Variants in MNT observed in about 807,000 individuals in gnomAD.
MNT encodes the protein MAX network transcriptional repressor, also known as max-binding protein MNT.
Under a neutral mutation model 40.7 loss-of-function variants are expected in MNT, and 13 were observed. That is an observed-to-expected ratio of 0.32 (90% CI 0.21 to 0.51). The LOEUF (loss-of-function observed/expected upper bound fraction) is 0.51. MNT is among the 20% of genes least tolerant of loss of function. The pLI is 0.98. For synonymous variants in MNT, 426 were observed against 354.8 expected (o/e 1.20, Z -2.26); for missense variants, 757 against 792.0 (o/e 0.96, Z 0.53).
intron 4 of MNT, 76 bp from the exon 5 acceptor site, chr17:2,388,125 C>T (rs1597415076): frequency 1.4e-6 from 2 of 1,403,208 alleles, no homozygotes; most frequent in Non-Finnish European, 1.9e-6. Flanking sequence ...AAACCTCTCC[C>T]TATCAGCTGG....
At chr17:2,392,131 C>G (rs1326334836) in intron 4 of MNT, 1 of 152,222 alleles carries the variant, frequency 6.6e-6, no homozygotes. Flanking sequence ...TATGCCCATA[C>G]GGCCGCCTTC....
rs561453211 is a variant in MNT, at chr17:2,393,844, C to T, written c.807+199G>A. The T allele has an allele frequency of 3.4e-3, 992 of 287,708 alleles. 15 individuals are homozygous for T. Among genetic ancestry groups the T allele is most frequent in the African/African-American group, 0.02 (904 of 44,682 alleles). The allele number at this position is 287,708 out of a possible 1,614,324, so 17.8% of individuals were successfully genotyped here. A position where few individuals can be genotyped will look rare whatever the true frequency, so the allele number is the denominator to read the frequency against. On this transcript the variant is annotated intron_variant, in intron 4 of 5. Coordinates refer to ENST00000174618, the MANE Select transcript of MNT (RefSeq NM_020310.3). ...AGCGGCGCGGGAGGGGAGCCGCGCC[C>T]TCCTCTGCGCACGCGCGCCCTCCCG...
In MNT at chr17:2,387,563, G is replaced by A; in HGVS notation, c.1087C>T (p.Leu363=). ...PKLSHRPQPE[L]LKSTLPPPST... ...GGGGGTGGCAGGGTGGACTTCAGCAGCTCCGGCTGGGGACGATGGCTCAGC... is the reference window on the plus strand; with the variant it reads ...GGGGGTGGCAGGGTGGACTTCAGCAACTCCGGCTGGGGACGATGGCTCAGC... The change falls in exon 6 of 6, where the codon CTG becomes TTG. Residue 363 remains leucine, a synonymous_variant. Transcript: ENST00000174618. The A allele has an allele frequency of 6.2e-7, 1 of 1,614,066 alleles. No homozygotes were observed. The highest frequency in any genetic ancestry group is 8.5e-7 in the Non-Finnish European group (1 of 1,179,982).
At chr17:2,392,913 C>T (rs996213465) in intron 4 of MNT, among the ~76,000 whole-genome samples, 1 of 152,206 alleles carries the variant, frequency 6.6e-6, no homozygotes, top group South Asian at 2.1e-4. Flanking sequence ...GAGCTGCCCC[C>T]CTGGAGCAGT....
In MNT at chr17:2,394,277, G is replaced by GCACGCACGCACACACACACA. The variant is rs539682697; in HGVS notation, c.695+27_695+28insTGTGTGTGTGTGCGTGCGTG. 45 of 1,489,322 alleles carry GCACGCACGCACACACACACA rather than the reference G, an allele frequency of 3.0e-5. No homozygotes were observed. In the Admixed American group the frequency reaches 3.2e-4, roughly 11 times the overall value. 92.3% of individuals were successfully genotyped at this position (1,489,322 alleles called of 1,614,324 possible). ...CCGGGTCGCGCGCGCACGCACGCAC[G>GCACGCACGCACACACACACA]CACACACACACACACACACACACAC... is the stretch of plus-strand genomic sequence containing the variant. On this transcript the variant is annotated intron_variant, in intron 3 of 5. Transcript: ENST00000174618.
rs1555612032 is a variant in MNT, at chr17:2,395,676, G to GGACGGTCACGGGGGCT, written c.74-223_74-222insAGCCCCCGTGACCGTC. ...TGTTCCCCGCCACCAGGGAATAGTA[G>GGACGGTCACGGGGGCT]GACAGTCACGGGGGCTGACAGTCAC... On this transcript the variant is annotated intron_variant, in intron 1 of 5. Transcript: ENST00000174618. Among the ~76,000 whole-genome samples the GGACGGTCACGGGGGCT allele has an allele frequency of 2.7e-4, 41 of 152,104 alleles. 1 individual carries two copies. The South Asian group carries it at 5.4e-3, about 20-fold the overall frequency.
chr17:2,397,533 C>CA (rs2066586203), intron 1 of MNT, among the ~76,000 whole-genome samples: 3 of 152,146 alleles, frequency 2.0e-5, no homozygotes, highest in Admixed American at 2.0e-4. Flanking sequence ...AGCCAACCCC[C>CA]ATTCCCCATA....
Position 2,400,728 on chromosome 17 carries a change from C to G in MNT, c.-16G>C, listed in dbSNP as rs1567871295. 2.0e-6 allele frequency: 3 copies of G among 1,534,986 alleles called. No homozygotes were observed. Among genetic ancestry groups the G allele is most frequent in the African/African-American group, 1.4e-5 (1 of 69,692 alleles). The stretch of plus-strand genomic sequence containing the variant: ...CTATGCTCATCGCGCCGAGAGCTGC[C>G]GGGGGCGCGCCGGGGCCGAGGCTGC... On this transcript the variant is annotated 5_prime_UTR_variant, in exon 1 of 6. Coordinates refer to ENST00000174618, the MANE Select transcript of MNT (RefSeq NM_020310.3).
Position 2,386,972 on chromosome 17 carries a change from G to A in MNT, c.1678C>T (p.Gln560Ter). Residue 560 changes from glutamine (Q) to a stop codon, truncating the protein, a stop_gained, in exon 6 of 6, where the codon CAG becomes TAG. Coordinates refer to ENST00000174618, the MANE Select transcript of MNT (RefSeq NM_020310.3). LOFTEE classifies it high-confidence loss of function. Reference protein sequence around the residue: ...QVVHHPQLVGQTVLNPVTMVT... With the variant: ...QVVHHPQLVG Reference sequence around the variant, plus strand: ...ATGGTCACAGGGTTGAGCACGGTCTGGCCCACCAGCTGGGGGTGGTGCACC... The same window carrying A: ...ATGGTCACAGGGTTGAGCACGGTCTAGCCCACCAGCTGGGGGTGGTGCACC... 1 of 1,525,248 alleles carries A rather than the reference G, an allele frequency of 6.6e-7. No homozygotes were observed. The highest frequency in any genetic ancestry group is 8.8e-7 in the Non-Finnish European group (1 of 1,133,822). 94.5% of individuals were successfully genotyped at this position (1,525,248 alleles called of 1,614,324 possible).
intron 3 of MNT, 29 bp from the exon 4 acceptor site, chr17:2,394,183 G>T: frequency 6.2e-7 from 1 of 1,605,058 alleles, no homozygotes. Flanking sequence ...GCCGGTCAGC[G>T]GTGCCTGGGG....
intron 2 of MNT, 51 bp from the exon 3 acceptor site, chr17:2,394,397 C>G (rs368079164): frequency 5.6e-6 from 9 of 1,610,906 alleles, no homozygotes; most frequent in African/African-American, 1.3e-5. Context: ...GATTAGACGG[C>G]CTTCCTGACC....
rs1303328976 is a variant in MNT at position 2,387,438 on chromosome 17, C to T, written c.1212G>A (p.Gln404=). The change falls in exon 6 of 6, where the codon CAG becomes CAA. Residue 404 remains glutamine, a synonymous_variant. Coordinates refer to ENST00000174618, the MANE Select transcript of MNT (RefSeq NM_020310.3). ...AHLPVQQQQP[Q]QKTPLPAPPP... ...GAGGGGCTGGCAGAGGGGTCTTCTG[C>T]TGTGGCTGCTGCTGCTGCACGGGGA... 2 of 1,610,970 alleles carry T rather than the reference C, an allele frequency of 1.2e-6. No individual in the cohort carries two copies. The highest frequency in any genetic ancestry group is 8.5e-7 in the Non-Finnish European group (1 of 1,178,652).
chr17:2,392,537 A>G (rs2066527061), intron 4 of MNT, among the ~76,000 whole-genome samples: 2 of 152,236 alleles, frequency 1.3e-5, no homozygotes, highest in Non-Finnish European at 2.9e-5. Flanking sequence ...TCGGGAGTGC[A>G]GCGAAGTGTC....
Position 2,386,872 on chromosome 17 carries a change from C to T in MNT, c.*29G>A. 2 of 1,450,730 alleles carry T rather than the reference C, an allele frequency of 1.4e-6. No individual in the cohort carries two copies. Among genetic ancestry groups the T allele is most frequent in the Non-Finnish European group, 1.8e-6 (2 of 1,099,104 alleles). 89.9% of individuals were successfully genotyped at this position (1,450,730 alleles called of 1,614,324 possible). On this transcript the variant is annotated 3_prime_UTR_variant, in exon 6 of 6. Coordinates refer to ENST00000174618, the MANE Select transcript of MNT (RefSeq NM_020310.3). ...GGGGGACAGGTCCCCCTCCCTGTCC[C>T]CACTGGGGGCCTCTGAGTGGCCTCG...
chr17:2,394,416 C>T (rs910482656), intron 2 of MNT, 70 bp from the exon 3 acceptor site: 1 of 1,605,646 alleles, frequency 6.2e-7, no homozygotes, highest in African/African-American at 1.3e-5. Context: ...CCAGCGCCGC[C>T]ACCCGCAAAA....
chr17:2,394,382 G>A (rs780801455), intron 2 of MNT, 36 bp from the exon 3 acceptor site: 2 of 1,612,596 alleles, frequency 1.2e-6, no homozygotes, highest in Admixed American at 1.7e-5. Flanking sequence ...CAGGGAGGAG[G>A]ACTCGATTAG....
intron 1 of MNT, among the ~76,000 whole-genome samples, chr17:2,400,091 C>T (rs1160719617): frequency 1.3e-5 from 2 of 152,074 alleles, no homozygotes; most frequent in Non-Finnish European, 2.9e-5. Context: ...GGGAGCGCCC[C>T]CCGCACCCTC....
chr17:2,386,679 A>T lies in MNT; in HGVS notation c.*222T>A, dbSNP rs1350910669. On this transcript the variant is annotated 3_prime_UTR_variant, in exon 6 of 6. Transcript: ENST00000174618. ...CCGGACAGGTGGCACATTCCATCAG[A>T]GTCTCGCATTTTCTCAGAGTCATCT... 2 of 475,334 alleles carry T rather than the reference A, an allele frequency of 4.2e-6. No individual in the cohort carries two copies. The highest frequency in any genetic ancestry group is 7.3e-6 in the Non-Finnish European group (2 of 272,816). The allele number at this position is 475,334 out of a possible 1,614,324, so 29.4% of individuals were successfully genotyped here. A position where few individuals can be genotyped will look rare whatever the true frequency, so the allele number is the denominator to read the frequency against.
At chr17:2,389,392 C>T (rs2066494865) in intron 4 of MNT, 1 of 152,280 alleles carries the variant, frequency 6.6e-6, no homozygotes, top group Non-Finnish European at 1.5e-5. Context: ...TCTCCTGCCT[C>T]AGCCTCCTGA....
Sources: gnomAD v4.1 joint callset for allele counts (sites outside exome capture counted in the v4.1 genomes callset) on GRCh38, gnomAD v4.1.1 for gene constraint, MANE v1.5 for transcripts, NCBI Gene and HGNC (gene_info 2026-07-23, HGNC 2026-07-21) for gene names.